HECTD4: variants seen among roughly 807,000 people sequenced by gnomAD.
The protein encoded by HECTD4 is HECT domain E3 ubiquitin protein ligase 4, also known as probable E3 ubiquitin-protein ligase HECTD4.
HECTD4 carries 114 observed loss-of-function variants against 471.5 expected under a neutral mutation model. The observed-to-expected ratio is 0.24, with a 90% CI of 0.21 to 0.28. The LOEUF (loss-of-function observed/expected upper bound fraction) is 0.28. HECTD4 is among the 10% of genes least tolerant of loss of function. The probability of loss-of-function intolerance (pLI) is 1.00; values close to 1 mark genes in which losing one functional copy is unlikely to be tolerated. For missense variants in HECTD4, 3,866 were observed against 5,651.5 expected (o/e 0.68, Z 10.13); for synonymous variants, 2,012 against 2,256.0 (o/e 0.89, Z 3.07).
At position 112,243,649 on chromosome 12, in the gene HECTD4, C is replaced by T. The variant is rs1211312625; in HGVS notation, c.4762G>A (p.Ala1588Thr). The change falls in exon 31 of 76, where the codon GCT becomes ACT. Residue 1588 changes from alanine (A) to threonine (T), a missense_variant. By Grantham distance (58) the Ala-to-Thr change is moderately conservative. Around this residue, in one of 16 missense-constraint regions of HECTD4, gnomAD observed 229 missense variants for 386.4 expected, o/e 0.59. Coordinates refer to ENST00000682272, the MANE Select transcript of HECTD4 (RefSeq NM_001388303.1). This position sits in a 1 kb window ranked among gnomAD's most constrained non-coding sequence, Gnocchi z 6.6. Reference protein sequence around the residue: ...TYSVLLGQLFAFIGTNPDQAV... With the variant: ...TYSVLLGQLFTFIGTNPDQAV... ...TGGTCAGGGTTGGTGCCGATGAAAGCAAACAGCTGCCCTAGCAGGACACTG... is the reference window on the plus strand; with the variant it reads ...TGGTCAGGGTTGGTGCCGATGAAAGTAAACAGCTGCCCTAGCAGGACACTG... 1 of 1,612,346 alleles carries T rather than the reference C, an allele frequency of 6.2e-7. No individual in the cohort carries two copies. Among genetic ancestry groups the T allele is most frequent in the South Asian group, 1.1e-5 (1 of 90,818 alleles).
chr12:112,308,252 T>C (rs2035303584), intron 6 of HECTD4, among the ~76,000 whole-genome samples: 1 of 152,150 alleles, frequency 6.6e-6, no homozygotes, highest in Non-Finnish European at 1.5e-5. Flanking sequence ...GTAACTGCAG[T>C]ATAATACAGC....
intron 55 of HECTD4, among the ~76,000 whole-genome samples, chr12:112,197,600 G>A (rs1447097032): frequency 6.6e-6 from 1 of 152,188 alleles, no homozygotes; most frequent in Non-Finnish European, 1.5e-5. Flanking sequence ...AGATCTGCAT[G>A]GCATGTTTCC....
At chr12:112,333,937 G>A (rs534590650) in intron 1 of HECTD4, among the ~76,000 whole-genome samples, 108 of 152,204 alleles carry the variant, frequency 7.1e-4, no homozygotes, top group African/African-American at 2.5e-3. Flanking sequence ...GGCCAGGTGC[G>A]GTGGCTCATG....
At position 112,367,494 on chromosome 12, in the gene HECTD4, G is replaced by A. The variant is rs1355898588; in HGVS notation, c.177+14458C>T. ...CCTATTTAGGTTCAGAACCCCTGAG[G>A]GAAAGGAAAGTTTATTTATAAACTC... On this transcript the variant is annotated intron_variant, in intron 1 of 75. Coordinates refer to ENST00000682272, the MANE Select transcript of HECTD4 (RefSeq NM_001388303.1). Among the ~76,000 whole-genome samples, 3 of 151,966 alleles carry A rather than the reference G, an allele frequency of 2.0e-5. No homozygotes were observed. In the East Asian group the frequency reaches 5.8e-4, roughly 29 times the overall value.
chr12:112,213,492 C>G lies in HECTD4; in HGVS notation c.7466-842G>C, dbSNP rs982330970. On this transcript the variant is annotated intron_variant, in intron 48 of 75. Coordinates refer to ENST00000682272, the MANE Select transcript of HECTD4 (RefSeq NM_001388303.1). This position sits in a 1 kb window ranked among gnomAD's most constrained non-coding sequence, Gnocchi z 4.0. The stretch of plus-strand genomic sequence containing the variant: ...ACAAGGTCAGGAGATCGAGTCCATC[C>G]TGGCTAACACGGTGAAACCCTGTCT... Among the ~76,000 whole-genome samples the G allele has an allele frequency of 5.3e-5, 8 of 149,692 alleles. No homozygotes were observed. Among genetic ancestry groups the G allele is most frequent in the Admixed American group, 5.3e-4 (8 of 15,014 alleles).
chr12:112,348,106 T>G (rs1036067313), intron 1 of HECTD4, among the ~76,000 whole-genome samples: 18 of 152,180 alleles, frequency 1.2e-4, no homozygotes, highest in Non-Finnish European at 2.9e-5. Flanking sequence ...TAATTGCAGG[T>G]GGAAAAACTT....
At chr12:112,202,748 G>T (rs2032464475) in intron 54 of HECTD4, among the ~76,000 whole-genome samples, 1 of 152,100 alleles carries the variant, frequency 6.6e-6, no homozygotes, top group Admixed American at 6.6e-5. Flanking sequence ...TTTCAAACAG[G>T]AGTCTCTTTT....
chr12:112,167,691 C>G, intron 71 of HECTD4, 123 bp downstream of exon 71: 1 of 1,063,678 alleles, frequency 9.4e-7, no homozygotes, highest in Non-Finnish European at 1.4e-6. Context: ...AGGACCTGTC[C>G]CCACAGATTG....
chr12:112,265,766 G>C, intron 15 of HECTD4, 112 bp downstream of exon 15: 1 of 737,504 alleles, frequency 1.4e-6, no homozygotes, highest in Non-Finnish European at 2.3e-6. Flanking sequence ...GGTTTAACAT[G>C]CTAACGATCG....
rs1405236283 is a variant in HECTD4, at chr12:112,274,831, C to G, written c.1801+16G>C. Reference sequence around the variant, plus strand: ...ACTTGAAATTTTCCAAAGATATGTGCAAGTTTATTTCTTACCCAATCCTGG... The same window carrying G: ...ACTTGAAATTTTCCAAAGATATGTGGAAGTTTATTTCTTACCCAATCCTGG... On this transcript the variant is annotated intron_variant, in intron 10 of 75. Coordinates refer to ENST00000682272, the MANE Select transcript of HECTD4 (RefSeq NM_001388303.1). 6.1e-6 allele frequency: 9 copies of G among 1,476,318 alleles called. No individual in the cohort carries two copies. Among genetic ancestry groups the G allele is most frequent in the Non-Finnish European group, 8.3e-6 (9 of 1,079,966 alleles). The allele number at this position is 1,476,318 out of a possible 1,614,324, so 91.5% of individuals were successfully genotyped here. A position where few individuals can be genotyped will look rare whatever the true frequency, so the allele number is the denominator to read the frequency against.
intron 60 of HECTD4, among the ~76,000 whole-genome samples, chr12:112,187,384 T>C (rs558838728): frequency 6.6e-6 from 1 of 152,254 alleles, no homozygotes; most frequent in African/African-American, 2.4e-5. Flanking sequence ...AATGTATGTA[T>C]GTATGAATGG....
rs746220282 is a variant in HECTD4 at position 112,264,094 on chromosome 12, A to C, written c.2738T>G (p.Leu913Trp). The change falls in exon 17 of 76, where the codon TTG becomes TGG. Residue 913 changes from leucine to tryptophan, a missense_variant. Physicochemically the swap from Leu to Trp is moderately conservative, Grantham distance 61. Coordinates refer to ENST00000682272, the MANE Select transcript of HECTD4 (RefSeq NM_001388303.1). ...DSDSSLQGETLKVQELKVSIL... is the reference protein window; with the variant it reads ...DSDSSLQGETWKVQELKVSIL... ...AAGCTTGGTGTTTACCTGTACCTTC[A>C]ATGTCTCTCCCTGCAAGGAGCTGTC... 5 of 1,610,068 alleles carry C rather than the reference A, an allele frequency of 3.1e-6. No individual in the cohort carries two copies. The highest frequency in any genetic ancestry group is 4.2e-6 in the Non-Finnish European group (5 of 1,178,198).
At chr12:112,262,595 T>A (rs528317657) in intron 17 of HECTD4, among the ~76,000 whole-genome samples, 1 of 144,928 alleles carries the variant, frequency 6.9e-6, no homozygotes, top group East Asian at 2.2e-4. Context: ...TTTCTCATTG[T>A]TGGAATTTTC....
At chr12:112,221,927 C>CTTT (rs755864566) in intron 44 of HECTD4, among the ~76,000 whole-genome samples, 2,338 of 134,490 alleles carry the variant, frequency 0.017, 38 homozygotes, top group Non-Finnish European at 0.027. Flanking sequence ...GCTGATTTTT[C>CTTT]TTTTTTTTTT....
chr12:112,206,165 C>T (rs986109342), intron 52 of HECTD4, among the ~76,000 whole-genome samples: 5 of 152,126 alleles, frequency 3.3e-5, no homozygotes, highest in Non-Finnish European at 5.9e-5. Context: ...CCTGTTGTTG[C>T]CTTAGGCCCC....
intron 1 of HECTD4, among the ~76,000 whole-genome samples, chr12:112,355,287 C>T: frequency 9.0e-6 from 1 of 111,448 alleles, no homozygotes; most frequent in Non-Finnish European, 1.7e-5. Context: ...AAATGGGATT[C>T]AAAAAAAAAA....
At chr12:112,203,420 C>A (rs2032488117) in intron 54 of HECTD4, 2 of 437,390 alleles carry the variant, frequency 4.6e-6, no homozygotes, top group Non-Finnish European at 8.1e-6. Context: ...AGCTTTGAGA[C>A]TGGAGAGCCT....
At chr12:112,346,321 TG>T (rs1489563540) in intron 1 of HECTD4, among the ~76,000 whole-genome samples, 1 of 152,218 alleles carries the variant, frequency 6.6e-6, no homozygotes, top group African/African-American at 2.4e-5. Flanking sequence ...CCAGAGATCC[TG>T]GGAATCTGCA....
At chr12:112,309,025 G>T in intron 5 of HECTD4, 134 bp from the exon 6 acceptor site, 1 of 917,990 alleles carries the variant, frequency 1.1e-6, no homozygotes. Flanking sequence ...CTGAAGGAAA[G>T]TGAATGTATT....
Sources: gnomAD v4.1 joint callset for allele counts (sites outside exome capture counted in the v4.1 genomes callset) on GRCh38, gnomAD v4.1.1 for gene constraint, gnomAD v4.1.1 regional missense constraint, Gnocchi (gnomAD v3.1) non-coding constraint, MANE v1.5 for transcripts, NCBI Gene and HGNC (gene_info 2026-07-23, HGNC 2026-07-21) for gene names.